Variants in CDC6 observed in about 807,000 individuals in gnomAD.
CDC6 encodes cell division cycle 6, also known as DNA replication factor CDC6.
Under a neutral mutation model 60.2 loss-of-function variants are expected in CDC6, and 46 were observed. The ratio of observed to expected loss-of-function variants is 0.76; its 90% CI spans 0.60 to 0.98. The LOEUF (loss-of-function observed/expected upper bound fraction) is 0.98, where lower values mean the gene tolerates loss of function less well. Among genes scored for constraint, CDC6 ranks in the 50% least tolerant of loss-of-function variants. CDC6 has a pLI of 0.00. For synonymous variants in CDC6, 210 were observed against 233.2 expected, an observed-to-expected ratio of 0.90 and a Z score of 0.90; for missense variants, 596 against 652.9, an observed-to-expected ratio of 0.91 and a Z score of 0.95.
chr17:40,294,192 A>G, intron 6 of CDC6, 136 bp downstream of exon 6: 2 of 922,798 alleles, frequency 2.2e-6, no homozygotes, highest in Non-Finnish European at 3.5e-6. Context: ...ATGACTATGT[A>G]CATCTTACCT....
chr17:40,288,688 C>G (rs2032701086), intron 1 of CDC6, among the ~76,000 whole-genome samples: 1 of 151,790 alleles, frequency 6.6e-6, no homozygotes, highest in Non-Finnish European at 1.5e-5. Context: ...GGGTTCATGC[C>G]ATTCTCCTGC....
At position 40,295,343 on chromosome 17, in the gene CDC6, GT is replaced by G. The variant is rs747976918; in HGVS notation, c.1084-12del. ...TATGGTTCAAACTGTCATCTTCTAT[GT>G]CTTGTCTGAAGGTATCTAGAGATCA... On this transcript the variant is annotated splice_polypyrimidine_tract_variant and intron_variant, in intron 7 of 11. Coordinates refer to ENST00000209728, the MANE Select transcript of CDC6 (RefSeq NM_001254.4). 6.5e-7 allele frequency: 1 copy of G among 1,543,156 alleles called. No individual in the cohort carries two copies. The highest frequency in any genetic ancestry group is 9.0e-7 in the Non-Finnish European group (1 of 1,115,272).
chr17:40,297,940 T>C (rs2032880587), intron 9 of CDC6, among the ~76,000 whole-genome samples: 1 of 152,192 alleles, frequency 6.6e-6, no homozygotes, highest in Non-Finnish European at 1.5e-5. Context: ...GTGGCAAATG[T>C]AAAATGGCCA....
At position 40,300,688 on chromosome 17, in the gene CDC6, A is replaced by G. The variant is rs1053482205; in HGVS notation, c.1250-140A>G. On this transcript the variant is annotated intron_variant, in intron 9 of 11. Coordinates refer to ENST00000209728, the MANE Select transcript of CDC6 (RefSeq NM_001254.4). The stretch of plus-strand genomic sequence containing the variant: ...CTCTCATCCTTTGGCCTCTGGTTAG[A>G]GATTTAAAACCTCTGCTTTGCCACC... 4.7e-5 allele frequency: 36 copies of G among 762,478 alleles called. No homozygotes were observed. In the African/African-American group the frequency reaches 5.6e-4, roughly 12 times the overall value. 47.2% of individuals were successfully genotyped at this position (762,478 alleles called of 1,614,324 possible).
intron 9 of CDC6, 150 bp from the exon 10 acceptor site, chr17:40,300,678 C>T (rs2032926284): frequency 1.4e-6 from 1 of 739,350 alleles, no homozygotes; most frequent in East Asian, 2.5e-5. Context: ...ATCCTTTGGC[C>T]TCTGGTTAGA....
intron 10 of CDC6, 54 bp from the exon 11 acceptor site, chr17:40,301,414 G>C: frequency 1.3e-6 from 2 of 1,577,366 alleles, no homozygotes; most frequent in African/African-American, 1.3e-5. Flanking sequence ...ATGATTAAAG[G>C]CTATAAGCAA....
chr17:40,295,265 G>A (rs2032841038), intron 7 of CDC6, 91 bp from the exon 8 acceptor site: 1 of 875,518 alleles, frequency 1.1e-6, no homozygotes, highest in Non-Finnish European at 2.0e-6. Flanking sequence ...TCAAGTTTAG[G>A]GTTAAATGTG....
At chr17:40,299,751 GAAAA>G (rs71300055) in intron 9 of CDC6, among the ~76,000 whole-genome samples, 2 of 77,704 alleles carry the variant, frequency 2.6e-5, no homozygotes, top group Non-Finnish European at 5.5e-5. Context: ...ATACCAAAAA[GAAAA>G]AAAAAAAAAA....
In CDC6 at chr17:40,295,464, A is replaced by G. The variant is rs772761735; in HGVS notation, c.1184+8A>G. The G allele has an allele frequency of 1.0e-5, 16 of 1,549,664 alleles. No individual in the cohort carries two copies. The highest frequency in any genetic ancestry group is 1.7e-5 in the Admixed American group (1 of 59,902). ...AGCACTGGATGTTTGCAGGTGAGTT[A>G]CGGCTCTGTTGCATTCTTTTATTAA... On this transcript the variant is annotated splice_region_variant and intron_variant, in intron 8 of 11. Coordinates refer to ENST00000209728, the MANE Select transcript of CDC6 (RefSeq NM_001254.4).
chr17:40,299,098 G>A (rs1567736547), intron 9 of CDC6, among the ~76,000 whole-genome samples: 1 of 119,480 alleles, frequency 8.4e-6, no homozygotes, highest in African/African-American at 3.3e-5. Flanking sequence ...ACATTTCTTT[G>A]TCTTGGAATT....
At chr17:40,293,046 C>T (rs1262167586) in intron 4 of CDC6, among the ~76,000 whole-genome samples, 1 of 151,876 alleles carries the variant, frequency 6.6e-6, no homozygotes, top group Admixed American at 6.6e-5. Context: ...CAAGACCAGC[C>T]TGGCCAATGT....
intron 8 of CDC6, 31 bp downstream of exon 8, chr17:40,295,487 T>TAA (rs540753983): frequency 5.8e-4 from 653 of 1,119,206 alleles, no homozygotes; most frequent in Non-Finnish European, 7.4e-4. Flanking sequence ...ATTCTTTTAT[T>TAA]AAAAAAAAAA....
chr17:40,295,405 G>T lies in CDC6; in HGVS notation c.1133G>T (p.Arg378Leu), dbSNP rs4135016. 1.9e-6 allele frequency: 3 copies of T among 1,613,332 alleles called. No individual in the cohort carries two copies. The highest frequency in any genetic ancestry group is 2.2e-5 in the East Asian group (1 of 44,892). Residue 378 changes from arginine (R) to leucine (L), a missense_variant, in exon 8 of 12, where the codon CGC becomes CTC. Coordinates refer to ENST00000209728, the MANE Select transcript of CDC6 (RefSeq NM_001254.4). ...LDNAAVQFCA[R>L]KVSAVSGDVR... ...AATGCTGCAGTTCAATTCTGTGCCC[G>T]CAAAGTCTCTGCTGTTTCAGGAGAT...
Position 40,291,654 on chromosome 17 carries a change from C to A in CDC6, c.646C>A (p.Leu216Met), listed in dbSNP as rs767425948. 9.3e-6 allele frequency: 15 copies of A among 1,613,964 alleles called. No individual in the cohort carries two copies. In the South Asian group the frequency reaches 1.6e-4, roughly 18 times the overall value. ...AAAAACTGCCTGCTTAAGCCGGATT[C>A]TGCAAGACCTCAAGGTACATTGAGA... ...TGKTACLSRI[L>M]QDLKKELKGF... The change falls in exon 4 of 12, where the codon CTG becomes ATG. Residue 216 changes from leucine to methionine, a missense_variant. Leu to Met is a conservative substitution (Grantham distance 15). Transcript: ENST00000209728.
chr17:40,296,817 T>A (rs2032865941), intron 9 of CDC6, 50 bp downstream of exon 9: 1 of 1,167,584 alleles, frequency 8.6e-7, no homozygotes, highest in East Asian at 2.3e-5. Flanking sequence ...GAAGCTTAGC[T>A]TTTCTGAGGA....
At chr17:40,289,647 T>C (rs1254010103) in intron 2 of CDC6, 49 bp downstream of exon 2, 1 of 1,480,716 alleles carries the variant, frequency 6.8e-7, no homozygotes, top group African/African-American at 1.4e-5. Context: ...GTGACCTTTC[T>C]TTTCTTGGTA....
At position 40,289,543 on chromosome 17, in the gene CDC6, C is replaced by T. The variant is rs372313551; in HGVS notation, c.123C>T (p.Thr41=). Residue 41 remains threonine (T), a synonymous_variant, in exon 2 of 12, where the codon ACC becomes ACT. Transcript: ENST00000209728. ...DAKLEPTNVQ[T]VTCSPRVKAL... is the part of the protein sequence containing the mutation. Reference sequence around the variant, plus strand: ...AACTAGAACCAACAAATGTCCAAACCGTAACCTGTTCTCCTCGTGTAAAAG... The same window carrying T: ...AACTAGAACCAACAAATGTCCAAACTGTAACCTGTTCTCCTCGTGTAAAAG... The T allele has an allele frequency of 2.5e-5, 40 of 1,613,864 alleles. No individual in the cohort carries two copies. Among genetic ancestry groups the T allele is most frequent in the South Asian group, 3.3e-5 (3 of 91,074 alleles).
At chr17:40,288,421 C>T (rs1028295325) in intron 1 of CDC6, among the ~76,000 whole-genome samples, 1 of 145,450 alleles carries the variant, frequency 6.9e-6, no homozygotes, top group Non-Finnish European at 1.5e-5. Flanking sequence ...ATTCATGTAA[C>T]TTTTTTTTTT....
intron 2 of CDC6, among the ~76,000 whole-genome samples, chr17:40,290,556 C>G (rs1285374307): frequency 6.6e-6 from 1 of 152,188 alleles, no homozygotes; most frequent in Non-Finnish European, 1.5e-5. Context: ...CTACTAAATG[C>G]AGTAGTCCCC....
Sources: gnomAD v4.1 joint callset for allele counts (sites outside exome capture counted in the v4.1 genomes callset) on GRCh38, gnomAD v4.1.1 for gene constraint, MANE v1.5 for transcripts, NCBI Gene and HGNC (gene_info 2026-07-23, HGNC 2026-07-21) for gene names.